The following UBTD1 variants were observed in gnomAD, a reference collection of about 807,000 sequenced individuals.
UBTD1 encodes ubiquitin domain-containing protein 1.
Under a neutral mutation model 21.7 loss-of-function variants are expected in UBTD1, and 19 were observed. The ratio of observed to expected loss-of-function variants is 0.87; its 90% CI spans 0.61 to 1.28. The LOEUF is 1.28. Ranked by LOEUF, UBTD1 falls within the 50% of genes most tolerant of loss-of-function variation. The pLI is 0.00. For synonymous variants in UBTD1, 116 were observed against 135.1 expected, an observed-to-expected ratio of 0.86 and a Z score of 0.98; for missense variants, 282 against 315.1, an observed-to-expected ratio of 0.89 and a Z score of 0.80.
At chr10:97,559,196 C>T (rs2040680045) in intron 1 of UBTD1, among the ~76,000 whole-genome samples, 2 of 152,198 alleles carry the variant, frequency 1.3e-5, no homozygotes, top group Admixed American at 1.3e-4. Flanking sequence ...CGGGATATAG[C>T]AGAGAGAGCT....
Position 97,568,240 on chromosome 10 carries a change from T to G in UBTD1, c.298+99T>G. ...AGTGTGGAGCGGTGGGGCAGGTGGT[T>G]ACTCACGTATTCATTCATTCAAGCA... On this transcript the variant is annotated intron_variant, in intron 2 of 2. Coordinates refer to ENST00000370664, the MANE Select transcript of UBTD1 (RefSeq NM_024954.5). 7 of 1,255,272 alleles carry G rather than the reference T, an allele frequency of 5.6e-6. No individual in the cohort carries two copies. The South Asian group carries it at 7.7e-5, about 14-fold the overall frequency. 77.8% of individuals were successfully genotyped at this position (1,255,272 alleles called of 1,614,324 possible). A position where few individuals can be genotyped will look rare whatever the true frequency, so the allele number is the denominator to read the frequency against.
intron 1 of UBTD1, among the ~76,000 whole-genome samples, chr10:97,527,009 T>C (rs1165336426): frequency 6.8e-6 from 1 of 146,464 alleles, no homozygotes; most frequent in East Asian, 2.1e-4. Flanking sequence ...CTGTCTCTAC[T>C]AAAATATGAA....
At chr10:97,552,023 C>T (rs905521555) in intron 1 of UBTD1, among the ~76,000 whole-genome samples, 13 of 152,020 alleles carry the variant, frequency 8.6e-5, no homozygotes, top group South Asian at 2.1e-4. Flanking sequence ...GTTATCCTCC[C>T]GCCTCAGTCT....
At chr10:97,527,756 A>G (rs891410357) in intron 1 of UBTD1, among the ~76,000 whole-genome samples, 1 of 152,108 alleles carries the variant, frequency 6.6e-6, no homozygotes, top group African/African-American at 2.4e-5. Context: ...TTCAGAGAGC[A>G]CAGGGTTGGG....
intron 1 of UBTD1, among the ~76,000 whole-genome samples, chr10:97,550,451 T>G (rs2040631497): frequency 6.6e-6 from 1 of 152,104 alleles, no homozygotes; most frequent in Non-Finnish European, 1.5e-5. Context: ...GATCAAGAAT[T>G]GAAGGAGGGG....
At chr10:97,543,501 C>T (rs895573100) in intron 1 of UBTD1, among the ~76,000 whole-genome samples, 3 of 152,158 alleles carry the variant, frequency 2.0e-5, no homozygotes, top group African/African-American at 7.2e-5. Context: ...TTTGTGTGTG[C>T]GCTTCACACT....
rs368657650 is a variant in UBTD1, at chr10:97,549,755, T to C, written c.71-18159T>C. ...AGAGGAGGAAAGGCCCACAGGCCTG[T>C]AAAGAGGCCACCAAATCCCAGAGCA... On this transcript the variant is annotated intron_variant, in intron 1 of 2. Coordinates refer to ENST00000370664, the MANE Select transcript of UBTD1 (RefSeq NM_024954.5). 4.6e-5 allele frequency among the ~76,000 whole-genome samples: 7 copies of C among 152,312 alleles called. No individual in the cohort carries two copies. The South Asian group carries it at 1.5e-3, about 32-fold the overall frequency.
chr10:97,522,106 C>T (rs958574225), intron 1 of UBTD1, among the ~76,000 whole-genome samples: 3 of 152,202 alleles, frequency 2.0e-5, no homozygotes, highest in Non-Finnish European at 4.4e-5. Context: ...GAATTGAGCT[C>T]TGCAAGACAT....
chr10:97,560,936 C>CAAA (rs200362068), intron 1 of UBTD1, among the ~76,000 whole-genome samples: 7 of 151,296 alleles, frequency 4.6e-5, no homozygotes, highest in African/African-American at 1.7e-4. Context: ...AAACCAAAAC[C>CAAA]AAAGTATCAC....
At chr10:97,569,974 C>T (rs543083827) in intron 2 of UBTD1, among the ~76,000 whole-genome samples, 164 bp from the exon 3 acceptor site, 7 of 152,048 alleles carry the variant, frequency 4.6e-5, no homozygotes, top group East Asian at 1.9e-4. Flanking sequence ...CAGGGCCCCA[C>T]GCTATGACCT....
chr10:97,542,148 G>GC (rs1048497752), intron 1 of UBTD1, among the ~76,000 whole-genome samples: 3 of 152,194 alleles, frequency 2.0e-5, no homozygotes, highest in African/African-American at 7.2e-5. Flanking sequence ...CTGTTCCAGG[G>GC]CGGGGGTCAG....
chr10:97,554,392 G>C (rs2040654416), intron 1 of UBTD1, among the ~76,000 whole-genome samples: 2 of 151,706 alleles, frequency 1.3e-5, no homozygotes, highest in South Asian at 4.2e-4. Context: ...GATTACAGGT[G>C]CCCACCACCA....
At chr10:97,517,049 A>G (rs1419014151) in intron 1 of UBTD1, among the ~76,000 whole-genome samples, 1 of 152,184 alleles carries the variant, frequency 6.6e-6, no homozygotes, top group African/African-American at 2.4e-5. Flanking sequence ...TGACAGGGGT[A>G]GCTGGGAAAG....
chr10:97,537,820 CTT>C (rs57859135), intron 1 of UBTD1, among the ~76,000 whole-genome samples: 3,277 of 119,332 alleles, frequency 0.027, 81 homozygotes, highest in African/African-American at 0.091. Context: ...CAGGCTTTCT[CTT>C]TTTTTTTTTT....
At chr10:97,514,208 C>T (rs1039806770) in intron 1 of UBTD1, among the ~76,000 whole-genome samples, 4 of 151,998 alleles carry the variant, frequency 2.6e-5, no homozygotes, top group Non-Finnish European at 4.4e-5. Context: ...GAGCCTGGGA[C>T]GAAGCACTGG....
At chr10:97,514,703 G>A (rs1456451045) in intron 1 of UBTD1, among the ~76,000 whole-genome samples, 3 of 152,190 alleles carry the variant, frequency 2.0e-5, no homozygotes, top group African/African-American at 7.2e-5. Flanking sequence ...ATGAATCTCT[G>A]GTTCCTCATC....
intron 1 of UBTD1, among the ~76,000 whole-genome samples, chr10:97,509,576 C>T (rs2040413483): frequency 6.6e-6 from 1 of 152,184 alleles, no homozygotes; most frequent in African/African-American, 2.4e-5. Context: ...TCCCTGGTCA[C>T]CTTCTGTTCT....
At chr10:97,547,636 C>A (rs2040617356) in intron 1 of UBTD1, among the ~76,000 whole-genome samples, 1 of 152,122 alleles carries the variant, frequency 6.6e-6, no homozygotes, top group South Asian at 2.1e-4. Flanking sequence ...GTGATCTTGG[C>A]TCACTGCAAC....
At chr10:97,533,020 T>C (rs147100403) in intron 1 of UBTD1, among the ~76,000 whole-genome samples, 141 of 152,344 alleles carry the variant, frequency 9.3e-4, no homozygotes, top group African/African-American at 3.2e-3. Flanking sequence ...CTTTCCCAGC[T>C]GGAAAGCTCT....
Sources: gnomAD v4.1 joint callset for allele counts (sites outside exome capture counted in the v4.1 genomes callset) on GRCh38, gnomAD v4.1.1 for gene constraint, MANE v1.5 for transcripts, NCBI Gene and HGNC (gene_info 2026-07-23, HGNC 2026-07-21) for gene names.